Variants in KHDRBS2 observed in about 807,000 individuals in gnomAD.
KHDRBS2 encodes the protein KH domain-containing, RNA-binding, signal transduction-associated protein 2.
Under a neutral mutation model 44.3 loss-of-function variants are expected in KHDRBS2, and 26 were observed. That is an observed-to-expected ratio of 0.59 (90% CI 0.43 to 0.81). The LOEUF is 0.81. Among genes scored for constraint, KHDRBS2 ranks in the 40% least tolerant of loss-of-function variants. The pLI is 0.00. For synonymous variants in KHDRBS2, 194 were observed against 151.1 expected, an observed-to-expected ratio of 1.28 and a Z score of -2.08; for missense variants, 476 against 433.1, an observed-to-expected ratio of 1.10 and a Z score of -0.88.
rs556238808 is a variant in KHDRBS2, at chr6:61,979,330, C to A, written c.337-1118G>T. 2.3e-4 allele frequency among the ~76,000 whole-genome samples: 35 copies of A among 152,144 alleles called. No homozygotes were observed. In the South Asian group the frequency reaches 6.6e-3, roughly 29 times the overall value. On this transcript the variant is annotated intron_variant, in intron 3 of 8. Coordinates refer to ENST00000281156, the MANE Select transcript of KHDRBS2 (RefSeq NM_152688.4). ...TCTTTCTTGTCCCTCACAGAAACAA[C>A]CAGCAGCTACTTCACTAAATTTCAA...
chr6:61,635,461 G>A, the KHDRBS2 span, among the ~76,000 whole-genome samples: 1 of 151,958 alleles, frequency 6.6e-6, no homozygotes, highest in Non-Finnish European at 1.5e-5. Context: ...GGAATGAACA[G>A]TATGGTTACT....
At position 61,989,024 on chromosome 6, in the gene KHDRBS2, G is replaced by C. The variant is rs577177871; in HGVS notation, c.337-10812C>G. Among the ~76,000 whole-genome samples the C allele has an allele frequency of 2.6e-4, 40 of 152,290 alleles. No individual in the cohort carries two copies. The South Asian group carries it at 8.1e-3, about 31-fold the overall frequency. On this transcript the variant is annotated intron_variant, in intron 3 of 8. Transcript: ENST00000281156. The stretch of plus-strand genomic sequence containing the variant: ...CAAAATGTATGGTGTTAAAAGACAT[G>C]ATTTACCATGTACAGACAAATACAA...
At chr6:61,678,893 C>T (rs991837938), downstream of KHDRBS2, 2 of 151,850 alleles carry the variant, frequency 1.3e-5, no homozygotes. Context: ...TTACCTCCAT[C>T]CTTCTTAGCA....
At chr6:61,773,146 G>T (rs1313842734) in intron 6 of KHDRBS2, among the ~76,000 whole-genome samples, 2 of 151,750 alleles carry the variant, frequency 1.3e-5, no homozygotes, top group African/African-American at 2.4e-5. Flanking sequence ...AGTCCTTTGG[G>T]TATATACCCA....
At chr6:61,733,603 G>GA (rs71685251) in intron 6 of KHDRBS2, among the ~76,000 whole-genome samples, 1,279 of 118,980 alleles carry the variant, frequency 0.011, 15 homozygotes, top group African/African-American at 0.033. Context: ...TCTCAAAAAA[G>GA]AAAAAAAAAA....
At position 61,892,322 on chromosome 6, in the gene KHDRBS2, C is replaced by T. The variant is rs186234954; in HGVS notation, c.810+2313G>A. ...ACTCAATATCATGAAAATGGCCATA[C>T]TGTCCAAGGTAATTTATAGATTCAA... is the stretch of plus-strand genomic sequence containing the variant. On this transcript the variant is annotated intron_variant, in intron 6 of 8. Coordinates refer to ENST00000281156, the MANE Select transcript of KHDRBS2 (RefSeq NM_152688.4). Among the ~76,000 whole-genome samples the T allele has an allele frequency of 2.4e-3, 371 of 152,320 alleles. 3 individuals carry two copies. The highest frequency in any genetic ancestry group is 8.8e-3 in the African/African-American group (364 of 41,570).
At chr6:61,787,845 A>G (rs1251453383) in intron 6 of KHDRBS2, among the ~76,000 whole-genome samples, 2 of 151,640 alleles carry the variant, frequency 1.3e-5, no homozygotes, top group Non-Finnish European at 3.0e-5. Flanking sequence ...TAACAGTAAA[A>G]GTTTATCATA....
intron 7 of KHDRBS2, among the ~76,000 whole-genome samples, chr6:61,712,660 TTATC>T (rs1041861277): frequency 2.6e-5 from 4 of 151,866 alleles, no homozygotes; most frequent in Non-Finnish European, 5.9e-5. Context: ...CCTAGTTTCT[TTATC>T]TGTAACATGA....
In KHDRBS2 at chr6:61,680,727, T is replaced by C. The variant is rs1181832446; in HGVS notation, c.*236A>G. ...GAATATCATCCTACTGAAAGGTTTA[T>C]AGACTATGCTTGCTAATGTCTTTTT... On this transcript the variant is annotated 3_prime_UTR_variant, in exon 9 of 9. Transcript: ENST00000281156. The C allele has an allele frequency of 5.8e-6, 2 of 345,624 alleles. No individual in the cohort carries two copies. Among genetic ancestry groups the C allele is most frequent in the Non-Finnish European group, 1.1e-5 (2 of 190,336 alleles). 21.4% of individuals were successfully genotyped at this position (345,624 alleles called of 1,614,324 possible).
In KHDRBS2 at chr6:61,736,349, G is replaced by C. The variant is rs1775358673; in HGVS notation, c.811-3585C>G. Among the ~76,000 whole-genome samples the C allele has an allele frequency of 2.0e-5, 3 of 151,514 alleles. No homozygotes were observed. The South Asian group carries it at 6.3e-4, about 32-fold the overall frequency. On this transcript the variant is annotated intron_variant, in intron 6 of 8. Coordinates refer to ENST00000281156, the MANE Select transcript of KHDRBS2 (RefSeq NM_152688.4). ...CTCATCTCCTTTGTGGTGGGACAAG[G>C]GTTAATACCATAATTGGAGCTTTCT...
At chr6:61,795,692 T>A (rs191765772) in intron 6 of KHDRBS2, among the ~76,000 whole-genome samples, 1 of 152,188 alleles carries the variant, frequency 6.6e-6, no homozygotes, top group Non-Finnish European at 1.5e-5. Flanking sequence ...ATGCAACTTA[T>A]AATTTGTTCT....
intron 1 of KHDRBS2, among the ~76,000 whole-genome samples, chr6:62,283,917 C>A (rs769582145): frequency 6.6e-6 from 1 of 152,080 alleles, no homozygotes; most frequent in Non-Finnish European, 1.5e-5. Context: ...ATTCTGATTT[C>A]TCTGAAATTT....
the KHDRBS2 span, among the ~76,000 whole-genome samples, chr6:61,652,890 C>G: frequency 9.2e-5 from 14 of 152,202 alleles, no homozygotes; most frequent in Admixed American, 2.6e-4. Flanking sequence ...CTGTTGTGAA[C>G]ATGCCGTGAG....
the KHDRBS2 span, among the ~76,000 whole-genome samples, chr6:61,554,527 CAT>C: frequency 0.03 from 4,631 of 152,166 alleles, 98 homozygotes; most frequent in Middle Eastern, 0.048. Context: ...TTAGTATTGA[CAT>C]GTGCAAATTT....
At chr6:62,063,021 A>G (rs908648629) in intron 2 of KHDRBS2, among the ~76,000 whole-genome samples, 2 of 150,866 alleles carry the variant, frequency 1.3e-5, no homozygotes, top group Non-Finnish European at 3.0e-5. Context: ...ATAAACTAGA[A>G]AATCTAGAAG....
chr6:62,254,292 T>C (rs565055866), intron 1 of KHDRBS2, among the ~76,000 whole-genome samples: 1 of 152,196 alleles, frequency 6.6e-6, no homozygotes, highest in South Asian at 2.1e-4. Context: ...GTACCCACTA[T>C]TTCATTCAAC....
At chr6:62,068,794 T>G (rs903033562) in intron 2 of KHDRBS2, among the ~76,000 whole-genome samples, 60 of 151,638 alleles carry the variant, frequency 4.0e-4, no homozygotes, top group African/African-American at 1.4e-3. Context: ...TTATAAAAAA[T>G]CAATTGACCA....
chr6:61,633,205 G>C, the KHDRBS2 span, among the ~76,000 whole-genome samples: 1 of 152,072 alleles, frequency 6.6e-6, no homozygotes, highest in Admixed American at 6.6e-5. Flanking sequence ...TACTTGTTTA[G>C]AGAAAAATAG....
At chr6:62,160,015 T>G (rs951682029) in intron 2 of KHDRBS2, among the ~76,000 whole-genome samples, 1 of 152,134 alleles carries the variant, frequency 6.6e-6, no homozygotes, top group Non-Finnish European at 1.5e-5. Context: ...GTATTCTATA[T>G]CCTTTCATAA....
Sources: allele counts gnomAD v4.1 joint callset (sites outside exome capture counted in the v4.1 genomes callset), GRCh38; gene constraint gnomAD v4.1.1; transcripts MANE v1.5; gene names NCBI Gene and HGNC (gene_info 2026-07-23, HGNC 2026-07-21).